Variants in BTNL8 observed in about 807,000 individuals in gnomAD.
The protein encoded by BTNL8 is butyrophilin like 8.
BTNL8 carries 22 observed loss-of-function variants against 36.1 expected under a neutral mutation model. That is an observed-to-expected ratio of 0.61 (90% confidence interval 0.44 to 0.87). The LOEUF (loss-of-function observed/expected upper bound fraction) is 0.87. BTNL8 is among the 40% of genes least tolerant of loss of function. The probability of loss-of-function intolerance (pLI) is 0.00; values close to 1 mark genes in which losing one functional copy is unlikely to be tolerated. For missense variants in BTNL8, 526 were observed against 616.9 expected (o/e 0.85, Z 1.56); for synonymous variants, 203 against 235.6 (o/e 0.86, Z 1.27).
At chr5:180,900,190 G>T (rs766250667) in intron 1 of BTNL8, among the ~76,000 whole-genome samples, 3 of 152,220 alleles carry the variant, frequency 2.0e-5, no homozygotes, top group Admixed American at 6.5e-5. Context: ...TTTCTGACGA[G>T]CTTCTTTGTT....
intron 6 of BTNL8, 107 bp downstream of exon 6, chr5:180,949,053 G>C: frequency 1.1e-6 from 1 of 892,114 alleles, no homozygotes; most frequent in Non-Finnish European, 1.6e-6. Context: ...CCAAGCTTGT[G>C]ATGGGAACTC....
chr5:180,920,462 A>T (rs1195707824), intron 3 of BTNL8, among the ~76,000 whole-genome samples: 1 of 152,110 alleles, frequency 6.6e-6, no homozygotes, highest in Non-Finnish European at 1.5e-5. Context: ...AATTAAAGAT[A>T]TAAACAAAAG....
At chr5:180,912,693 G>C (rs142038514) in intron 3 of BTNL8, among the ~76,000 whole-genome samples, 2 of 152,044 alleles carry the variant, frequency 1.3e-5, no homozygotes, top group African/African-American at 4.8e-5. Flanking sequence ...GCAAGACCCC[G>C]TCTTCAAACA....
intron 3 of BTNL8, among the ~76,000 whole-genome samples, chr5:180,920,506 C>T (rs1260810405): frequency 6.6e-6 from 1 of 151,988 alleles, no homozygotes. Context: ...AGAAAGCATA[C>T]AGAAAAATCT....
chr5:180,931,984 T>C (rs1758410015), intron 3 of BTNL8, among the ~76,000 whole-genome samples: 1 of 152,216 alleles, frequency 6.6e-6, no homozygotes, highest in Non-Finnish European at 1.5e-5. Context: ...TTATAAATCA[T>C]TCTACTATAA....
chr5:180,946,093 T>C (rs528165671), intron 3 of BTNL8, among the ~76,000 whole-genome samples: 92 of 152,316 alleles, frequency 6.0e-4, no homozygotes, highest in African/African-American at 2.2e-3. Context: ...CAATGAGATA[T>C]CACCTTACAC....
intron 3 of BTNL8, among the ~76,000 whole-genome samples, chr5:180,918,618 C>G (rs1452187555): frequency 6.6e-6 from 1 of 152,194 alleles, no homozygotes; most frequent in Non-Finnish European, 1.5e-5. Context: ...AAGGCATAGT[C>G]TCAACAAGTC....
Position 180,908,697 on chromosome 5 carries a change from G to A in BTNL8, c.161G>A (p.Arg54Gln), listed in dbSNP as rs140229530. Residue 54 changes from arginine to glutamine, a missense_variant, in exon 2 of 8, where the codon CGG (arginine) becomes CAG (glutamine). Transcript: ENST00000340184. ...PKTNAEAMEV[R>Q]FFRGQFSSVV... is the part of the protein sequence containing the mutation. ...ACCAATGCAGAGGCCATGGAAGTGC[G>A]GTTCTTCAGGGGCCAGTTCTCTAGC... 211 of 1,614,202 alleles carry A rather than the reference G, an allele frequency of 1.3e-4. 2 individuals carry two copies. In the African/African-American group the frequency reaches 1.9e-3, roughly 15 times the overall value.
In BTNL8 at chr5:180,950,781, G is replaced by A. The variant is rs960058188; in HGVS notation, c.*237G>A. On this transcript the variant is annotated 3_prime_UTR_variant, in exon 8 of 8. Coordinates refer to ENST00000340184, the MANE Select transcript of BTNL8 (RefSeq NM_001040462.3). ...AATACCACCTCTCAGGTGAAGAACCGTCAGGAATTCCCATCTCACAGGCTG... is the reference window on the plus strand; with the variant it reads ...AATACCACCTCTCAGGTGAAGAACCATCAGGAATTCCCATCTCACAGGCTG... The A allele has an allele frequency of 3.0e-5, 15 of 494,878 alleles. 3 individuals are homozygous for A. The highest frequency in any genetic ancestry group is 7.3e-5 in the Admixed American group (2 of 27,236). The allele number at this position is 494,878 out of a possible 1,614,324, so 30.7% of individuals were successfully genotyped here. A position where few individuals can be genotyped will look rare whatever the true frequency, so the allele number is the denominator to read the frequency against.
At chr5:180,924,028 T>C (rs1387881954) in intron 3 of BTNL8, among the ~76,000 whole-genome samples, 1 of 152,282 alleles carries the variant, frequency 6.6e-6, no homozygotes, top group African/African-American at 2.4e-5. Flanking sequence ...AGCAACACAA[T>C]TCCTGATGCT....
At chr5:180,933,453 T>C (rs1018226444) in intron 3 of BTNL8, among the ~76,000 whole-genome samples, 3 of 152,208 alleles carry the variant, frequency 2.0e-5, no homozygotes, top group South Asian at 4.1e-4. Flanking sequence ...AAGTATATTT[T>C]CAGACCACAA....
At position 180,908,825 on chromosome 5, in the gene BTNL8, A is replaced by C. The variant is rs770010555; in HGVS notation, c.289A>C (p.Ile97Leu). The stretch of plus-strand genomic sequence containing the variant: ...GAAGGATTCTATTGCGGAGGGGCGC[A>C]TCTCTCTGAGGCTGGAAAACATTAC... ...LVKDSIAEGR[I>L]SLRLENITVL... is the part of the protein sequence containing the mutation. Residue 97 changes from isoleucine to leucine, a missense_variant, in exon 2 of 8, where the codon ATC (isoleucine) becomes CTC (leucine). Physicochemically the swap from Ile to Leu is conservative, Grantham distance 5 (BLOSUM62 2). Transcript: ENST00000340184. 6 of 1,614,146 alleles carry C rather than the reference A, an allele frequency of 3.7e-6. No individual in the cohort carries two copies. In the South Asian group the frequency reaches 6.6e-5, roughly 18 times the overall value.
chr5:180,911,260 A>ACCCATTCTCTCTCAGTCAGT, intron 2 of BTNL8, 79 bp from the exon 3 acceptor site: 1 of 1,564,024 alleles, frequency 6.4e-7, no homozygotes, highest in Non-Finnish European at 8.7e-7. Flanking sequence ...TGGGGGGTGG[A>ACCCATTCTCTCTCAGTCAGT]CTGAATGCAC....
chr5:180,941,633 A>C (rs1200544786), intron 3 of BTNL8, among the ~76,000 whole-genome samples: 1 of 152,208 alleles, frequency 6.6e-6, no homozygotes, highest in African/African-American at 2.4e-5. Flanking sequence ...GGATGCAAGG[A>C]TGGTTCAACA....
At chr5:180,902,392 C>A in intron 1 of BTNL8, 1 of 1,550,604 alleles carries the variant, frequency 6.4e-7, no homozygotes, top group East Asian at 2.4e-5. Context: ...CATGGTTTGT[C>A]AAATGTAAGG....
Position 180,908,576 on chromosome 5 carries a change from C to T in BTNL8, c.50-10C>T. 1 of 1,611,938 alleles carries T rather than the reference C, an allele frequency of 6.2e-7. No individual in the cohort carries two copies. The highest frequency in any genetic ancestry group is 1.1e-5 in the South Asian group (1 of 90,986). ...TTTTGATGATTTATCTTTTGTATGT[C>T]TTCCCACAGGGCAGTGGCAGGTGTT... On this transcript the variant is annotated splice_polypyrimidine_tract_variant and intron_variant, in intron 1 of 7. Transcript: ENST00000340184.
chr5:180,899,505 T>C (rs1756731421), intron 1 of BTNL8, 146 bp downstream of exon 1: 2 of 913,068 alleles, frequency 2.2e-6, no homozygotes, highest in Non-Finnish European at 3.5e-6. Flanking sequence ...GATCAGGCGC[T>C]GTGGAAACAA....
chr5:180,905,831 G>T (rs1161175298), intron 1 of BTNL8, among the ~76,000 whole-genome samples: 3 of 151,254 alleles, frequency 2.0e-5, no homozygotes, highest in Non-Finnish European at 4.4e-5. Context: ...ATGTAGTTGA[G>T]CGGCTTTGAG....
chr5:180,943,595 A>G (rs539191657), intron 3 of BTNL8, among the ~76,000 whole-genome samples: 2 of 152,354 alleles, frequency 1.3e-5, no homozygotes, highest in South Asian at 4.1e-4. Flanking sequence ...AAGACAAAAG[A>G]TAACAATTGT....
Sources: gnomAD v4.1 joint callset for allele counts (sites outside exome capture counted in the v4.1 genomes callset) on GRCh38, gnomAD v4.1.1 for gene constraint, MANE v1.5 for transcripts, NCBI Gene and HGNC (gene_info 2026-07-23, HGNC 2026-07-21) for gene names.